The following SINHCAF variants were observed in gnomAD, a reference collection of about 807,000 sequenced individuals.
The protein encoded by SINHCAF is SIN3-HDAC complex-associated factor.
SINHCAF carries 3 observed loss-of-function variants against 25.8 expected under a neutral mutation model. The observed-to-expected ratio is 0.12, with a 90% CI of 0.05 to 0.30. The LOEUF is 0.30. Ranked by LOEUF, SINHCAF falls within the 10% of genes least tolerant of loss-of-function variation. The probability of loss-of-function intolerance (pLI) is 1.00; values close to 1 mark genes in which losing one functional copy is unlikely to be tolerated. For synonymous variants in SINHCAF, 70 were observed against 85.5 expected (o/e 0.82, Z 1.00); for missense variants, 121 against 262.3 (o/e 0.46, Z 3.72).
chr12:31,298,764 T>C (rs1938653677), intron 1 of SINHCAF, among the ~76,000 whole-genome samples: 1 of 152,168 alleles, frequency 6.6e-6, no homozygotes, highest in African/African-American at 2.4e-5. Flanking sequence ...CTGTGATAAA[T>C]GGGAAGTTCT....
chr12:31,320,064 A>T (rs769580898), intron 1 of SINHCAF, among the ~76,000 whole-genome samples: 1 of 152,150 alleles, frequency 6.6e-6, no homozygotes, highest in Non-Finnish European at 1.5e-5. Context: ...ATCATGGTGC[A>T]TGAACTCCTG....
At chr12:31,302,545 G>A (rs1270739219) in intron 1 of SINHCAF, among the ~76,000 whole-genome samples, 1 of 150,100 alleles carries the variant, frequency 6.7e-6, no homozygotes, top group Admixed American at 6.7e-5. Context: ...TTATCAGGCC[G>A]AGCTTGAGGA....
chr12:31,325,830 G>A lies in SINHCAF; in HGVS notation c.-21+194C>T, dbSNP rs2137153680. The stretch of plus-strand genomic sequence containing the variant: ...ATTAATAAATACACACTAAACACGA[G>A]CGTACCAAAGAACCTGGGGTCTGAA... On this transcript the variant is annotated intron_variant, in intron 1 of 5. Transcript: ENST00000337682. The surrounding 1 kb of genome is among the most constrained non-coding windows in gnomAD (Gnocchi z 5.9). 1 of 152,544 alleles carries A rather than the reference G, an allele frequency of 6.6e-6. No individual in the cohort carries two copies. The highest frequency in any genetic ancestry group is 1.9e-4 in the East Asian group (1 of 5,180). 9.4% of individuals were successfully genotyped at this position (152,544 alleles called of 1,614,324 possible). A position where few individuals can be genotyped will look rare whatever the true frequency, so the allele number is the denominator to read the frequency against.
At chr12:31,293,121 T>C (rs752450288) in intron 4 of SINHCAF, among the ~76,000 whole-genome samples, 2 of 152,228 alleles carry the variant, frequency 1.3e-5, no homozygotes, top group African/African-American at 2.4e-5. Context: ...AAAATACTAA[T>C]GTGTTTGGTT....
chr12:31,310,067 ATTATGGATG>A (rs1246453006), intron 1 of SINHCAF, among the ~76,000 whole-genome samples: 1 of 152,182 alleles, frequency 6.6e-6, no homozygotes, highest in Non-Finnish European at 1.5e-5. Flanking sequence ...AGAGATGAGC[ATTATGGATG>A]TCGTGGAAAT....
At chr12:31,317,166 A>T (rs1939526575) in intron 1 of SINHCAF, among the ~76,000 whole-genome samples, 1 of 152,210 alleles carries the variant, frequency 6.6e-6, no homozygotes, top group Admixed American at 6.5e-5. Flanking sequence ...AAACGTGGTA[A>T]ATAACAGTTA....
chr12:31,315,069 G>A (rs895041342), intron 1 of SINHCAF, among the ~76,000 whole-genome samples: 7 of 152,302 alleles, frequency 4.6e-5, no homozygotes, highest in East Asian at 1.9e-4. Context: ...TTGAGGATGC[G>A]CACCCAGGAA....
chr12:31,281,595 C>T lies in SINHCAF; in HGVS notation c.*1117G>A, dbSNP rs1248494189. 1 of 152,094 alleles carries T rather than the reference C, an allele frequency of 6.6e-6. No individual in the cohort carries two copies. The highest frequency in any genetic ancestry group is 6.6e-5 in the Admixed American group (1 of 15,248). 9.4% of individuals were successfully genotyped at this position (152,094 alleles called of 1,614,324 possible). A position where few individuals can be genotyped will look rare whatever the true frequency, so the allele number is the denominator to read the frequency against. On this transcript the variant is annotated 3_prime_UTR_variant, in exon 6 of 6. Transcript: ENST00000337682. ...TCAGCAAGCCCTCTAAGAAATGTGC[C>T]CCAAGAAGCATTAACCTTTGTTTTG...
intron 1 of SINHCAF, chr12:31,304,119 C>CAAAAAAAAAAA (rs761861557): frequency 7.9e-6 from 1 of 125,996 alleles, no homozygotes; most frequent in African/African-American, 3.1e-5. Flanking sequence ...GACTCTCCCT[C>CAAAAAAAAAAA]AAAAAAAAAA....
chr12:31,321,751 G>A (rs1309971664), intron 1 of SINHCAF, among the ~76,000 whole-genome samples: 1 of 152,020 alleles, frequency 6.6e-6, no homozygotes, highest in African/African-American at 2.4e-5. Flanking sequence ...CATCTCTTAA[G>A]AAAAAACGAA....
chr12:31,317,614 T>C (rs76302605), intron 1 of SINHCAF, among the ~76,000 whole-genome samples: 12 of 143,090 alleles, frequency 8.4e-5, no homozygotes, highest in African/African-American at 3.0e-4. Flanking sequence ...TACCTCCTGC[T>C]TTTTTTTTTT....
rs984219040 is a variant in SINHCAF at position 31,282,416 on chromosome 12, C to A, written c.*296G>T. On this transcript the variant is annotated 3_prime_UTR_variant, in exon 6 of 6. Coordinates refer to ENST00000337682, the MANE Select transcript of SINHCAF (RefSeq NM_001135812.2). ...GTATCCAAGTTAAAAATAAGAGGGT[C>A]ATTTAAGACCAGCCTGGCCAACGTG... 2.3e-5 allele frequency: 5 copies of A among 221,324 alleles called. No individual in the cohort carries two copies. Among genetic ancestry groups the A allele is most frequent in the Non-Finnish European group, 4.4e-5 (5 of 114,004 alleles). 13.7% of individuals were successfully genotyped at this position (221,324 alleles called of 1,614,324 possible). A position where few individuals can be genotyped will look rare whatever the true frequency, so the allele number is the denominator to read the frequency against.
intron 1 of SINHCAF, among the ~76,000 whole-genome samples, chr12:31,314,420 G>T (rs1361369675): frequency 1.3e-5 from 2 of 152,102 alleles, no homozygotes; most frequent in Non-Finnish European, 2.9e-5. Flanking sequence ...CAGCCACTCT[G>T]AAGGCTGAGG....
At chr12:31,290,699 T>A (rs1351127543) in intron 4 of SINHCAF, among the ~76,000 whole-genome samples, 4 of 152,120 alleles carry the variant, frequency 2.6e-5, no homozygotes, top group Non-Finnish European at 5.9e-5. Flanking sequence ...AAATTTCAAT[T>A]ATCTGACCAT....
Position 31,324,139 on chromosome 12 carries a change from C to G in SINHCAF, c.-21+1885G>C. 2.3e-6 allele frequency: 1 copy of G among 437,674 alleles called. No homozygotes were observed. 27.1% of individuals were successfully genotyped at this position (437,674 alleles called of 1,614,324 possible). ...GGTGAACCGCGTCGCTCGCCGCCAC[C>G]TCCCTCACCTGCGCCGGAACAACGG... On this transcript the variant is annotated intron_variant, in intron 1 of 5. Coordinates refer to ENST00000337682, the MANE Select transcript of SINHCAF (RefSeq NM_001135812.2). The surrounding 1 kb of genome is among the most constrained non-coding windows in gnomAD (Gnocchi z 5.5).
chr12:31,291,285 G>T (rs746720919), intron 4 of SINHCAF, among the ~76,000 whole-genome samples: 1 of 152,128 alleles, frequency 6.6e-6, no homozygotes, highest in East Asian at 1.9e-4. Context: ...ATTTATAGAC[G>T]AATTTATTTT....
intron 1 of SINHCAF, among the ~76,000 whole-genome samples, chr12:31,314,112 G>A (rs1387848133): frequency 1.3e-5 from 2 of 152,128 alleles, no homozygotes; most frequent in African/African-American, 4.8e-5. Flanking sequence ...GTAGGTGGAA[G>A]GACAACAAGA....
chr12:31,316,892 T>C (rs1308205422), intron 1 of SINHCAF, among the ~76,000 whole-genome samples: 2 of 152,190 alleles, frequency 1.3e-5, no homozygotes, highest in Non-Finnish European at 2.9e-5. Flanking sequence ...TAAATCTTTA[T>C]AAGGGTGTTA....
At chr12:31,323,840 G>T (rs1044228658) in intron 1 of SINHCAF, 1 of 427,566 alleles carries the variant, frequency 2.3e-6, no homozygotes, top group Non-Finnish European at 4.8e-6. Context: ...CCCTGGACTT[G>T]CGGGCCACAG....
Sources: allele counts gnomAD v4.1 joint callset (sites outside exome capture counted in the v4.1 genomes callset), GRCh38; gene constraint gnomAD v4.1.1; non-coding constraint Gnocchi (gnomAD v3.1); transcripts MANE v1.5; gene names NCBI Gene and HGNC (gene_info 2026-07-23, HGNC 2026-07-21).